TMEM132D: variants seen among roughly 807,000 people sequenced by gnomAD.
The protein encoded by TMEM132D is transmembrane protein 132D, also known as mature OL transmembrane protein.
A neutral mutation model predicts 62.3 loss-of-function variants in TMEM132D; 21 were observed. That is an observed-to-expected ratio of 0.34 (90% CI 0.24 to 0.49). The LOEUF (loss-of-function observed/expected upper bound fraction) is 0.49, where lower values mean the gene tolerates loss of function less well. TMEM132D is among the 20% of genes least tolerant of loss of function. TMEM132D has a pLI of 0.99. For synonymous variants in TMEM132D, 621 were observed against 575.6 expected (o/e 1.08, Z -1.13); for missense variants, 1,346 against 1,402.8 (o/e 0.96, Z 0.65).
At chr12:129,118,891 C>A (rs970202368) in intron 5 of TMEM132D, among the ~76,000 whole-genome samples, 1 of 152,204 alleles carries the variant, frequency 6.6e-6, no homozygotes, top group Admixed American at 6.5e-5. Context: ...ATTTCGGCTG[C>A]TCAGCTACTC....
intron 2 of TMEM132D, among the ~76,000 whole-genome samples, chr12:129,549,610 CCT>C (rs1352133430): frequency 6.6e-6 from 1 of 152,202 alleles, no homozygotes; most frequent in Non-Finnish European, 1.5e-5. Context: ...GTCCATTAAA[CCT>C]CTTTTTCTTT....
chr12:129,548,693 T>A (rs926342154), intron 2 of TMEM132D, among the ~76,000 whole-genome samples: 1 of 133,852 alleles, frequency 7.5e-6, no homozygotes, highest in Admixed American at 8.0e-5. Context: ...ACACTTCACA[T>A]GTGACCTCAC....
At chr12:129,540,829 C>T (rs924114960) in intron 2 of TMEM132D, among the ~76,000 whole-genome samples, 6 of 152,096 alleles carry the variant, frequency 3.9e-5, no homozygotes, top group African/African-American at 1.4e-4. Flanking sequence ...AAGATGGGGT[C>T]TCATTATGCT....
intron 3 of TMEM132D, among the ~76,000 whole-genome samples, chr12:129,487,039 G>A (rs1033476781): frequency 6.6e-6 from 1 of 151,826 alleles, no homozygotes; most frequent in South Asian, 2.1e-4. Context: ...TATGGGGGGG[G>A]GGGTTGTGGG....
Position 129,844,416 on chromosome 12 carries a change from C to A in TMEM132D, c.79+58845G>T, listed in dbSNP as rs12297234. Among the ~76,000 whole-genome samples the A allele has an allele frequency of 4.4e-3, 664 of 152,280 alleles. 4 individuals carry two copies. The highest frequency in any genetic ancestry group is 0.015 in the African/African-American group (640 of 41,556). Reference sequence around the variant, plus strand: ...TGAGGTCTCATGCCTACCCCCTCCACTCTCCGGATCCCCCATATCTCTTGT... The same window carrying A: ...TGAGGTCTCATGCCTACCCCCTCCAATCTCCGGATCCCCCATATCTCTTGT... On this transcript the variant is annotated intron_variant, in intron 1 of 8. Coordinates refer to ENST00000422113, the MANE Select transcript of TMEM132D (RefSeq NM_133448.3).
rs187561127 is a variant in TMEM132D at position 129,457,686 on chromosome 12, C to T, written c.1115+73373G>A. On this transcript the variant is annotated intron_variant, in intron 3 of 8. Coordinates refer to ENST00000422113, the MANE Select transcript of TMEM132D (RefSeq NM_133448.3). ...GGCCCCAGGAAACTTACAATCATGT[C>T]GGAAGGGCAAAGAAAAAGGAAGCAT... Among the ~76,000 whole-genome samples, 56 of 152,004 alleles carry T rather than the reference C, an allele frequency of 3.7e-4. No individual in the cohort carries two copies. The East Asian group carries it at 9.5e-3, about 26-fold the overall frequency.
intron 2 of TMEM132D, among the ~76,000 whole-genome samples, chr12:129,668,985 C>G (rs139638136): frequency 6.2e-4 from 95 of 152,190 alleles, no homozygotes; most frequent in African/African-American, 2.2e-3. Flanking sequence ...GCTCAGAAAC[C>G]CCACATTATC....
chr12:129,886,363 T>TGA (rs1412437094), intron 1 of TMEM132D, among the ~76,000 whole-genome samples: 2 of 152,104 alleles, frequency 1.3e-5, no homozygotes, highest in South Asian at 2.1e-4. Flanking sequence ...GAACTGTGTG[T>TGA]GAGAGAGAGA....
intron 5 of TMEM132D, among the ~76,000 whole-genome samples, chr12:129,133,005 C>G (rs947426485): frequency 1.2e-4 from 18 of 152,176 alleles, no homozygotes; most frequent in African/African-American, 4.3e-4. Context: ...CTGAATGTGG[C>G]AGGTGCTGCC....
chr12:129,886,989 A>G (rs1245571378), intron 1 of TMEM132D, among the ~76,000 whole-genome samples: 1 of 152,154 alleles, frequency 6.6e-6, no homozygotes, highest in Admixed American at 6.5e-5. Context: ...CTGAACTGTG[A>G]GTCAATTAAA....
At chr12:129,090,863 C>G (rs1454530343) in intron 5 of TMEM132D, among the ~76,000 whole-genome samples, 1 of 152,120 alleles carries the variant, frequency 6.6e-6, no homozygotes, top group Admixed American at 6.5e-5. Context: ...TCCAGTCCTT[C>G]CCACCCCACA....
chr12:129,087,194 T>C (rs1874648650), intron 5 of TMEM132D, among the ~76,000 whole-genome samples: 1 of 152,170 alleles, frequency 6.6e-6, no homozygotes, highest in East Asian at 1.9e-4. Context: ...GAGTTGGACT[T>C]TTCCCGACGT....
At chr12:129,466,764 T>C (rs1189270376) in intron 3 of TMEM132D, among the ~76,000 whole-genome samples, 1 of 152,200 alleles carries the variant, frequency 6.6e-6, no homozygotes, top group Non-Finnish European at 1.5e-5. Flanking sequence ...CTTGTTCTCA[T>C]GTATTATTTC....
At chr12:129,391,524 G>T (rs1871289178) in intron 3 of TMEM132D, among the ~76,000 whole-genome samples, 1 of 152,190 alleles carries the variant, frequency 6.6e-6, no homozygotes, top group South Asian at 2.1e-4. Flanking sequence ...CTGCACGGGC[G>T]GTGCCTGGAC....
At chr12:129,209,964 T>A in intron 4 of TMEM132D, 1 of 331,616 alleles carries the variant, frequency 3.0e-6, no homozygotes. Context: ...GGCACCCTTG[T>A]AAGTGCTTTA....
chr12:129,407,420 A>T (rs541668993), intron 3 of TMEM132D, among the ~76,000 whole-genome samples: 1 of 152,322 alleles, frequency 6.6e-6, no homozygotes, highest in African/African-American at 2.4e-5. Context: ...CTAGAGGAAA[A>T]GTCACCAGGT....
intron 5 of TMEM132D, among the ~76,000 whole-genome samples, chr12:129,099,158 C>T (rs564345863): frequency 6.6e-6 from 1 of 152,284 alleles, no homozygotes; most frequent in African/African-American, 2.4e-5. Context: ...CATTGAATTT[C>T]TCTAAAAATC....
intron 1 of TMEM132D, among the ~76,000 whole-genome samples, chr12:129,871,739 T>G (rs539709677): frequency 1.3e-5 from 2 of 152,280 alleles, no homozygotes; most frequent in South Asian, 4.2e-4. Context: ...CATGTGGGCG[T>G]GAGAACCAAT....
chr12:129,111,251 T>A (rs1875691528), intron 5 of TMEM132D: 1 of 152,322 alleles, frequency 6.6e-6, no homozygotes, highest in South Asian at 2.1e-4. Context: ...AGCCAGGGGA[T>A]GCCTGCAGCC....
Sources: allele counts gnomAD v4.1 joint callset (sites outside exome capture counted in the v4.1 genomes callset), GRCh38; gene constraint gnomAD v4.1.1; transcripts MANE v1.5; gene names NCBI Gene and HGNC (gene_info 2026-07-23, HGNC 2026-07-21).